LAMA5: variants seen among roughly 807,000 people sequenced by gnomAD.
The protein encoded by LAMA5 is laminin subunit alpha 5.
Under a neutral mutation model 433.4 loss-of-function variants are expected in LAMA5, and 260 were observed. The ratio of observed to expected loss-of-function variants is 0.60; its 90% CI spans 0.54 to 0.66. The LOEUF (loss-of-function observed/expected upper bound fraction) is 0.66, where lower values mean the gene tolerates loss of function less well. Ranked by LOEUF, LAMA5 falls within the 30% of genes least tolerant of loss-of-function variation. The pLI is 0.00. For synonymous variants in LAMA5, 2,620 were observed against 2,226.6 expected (o/e 1.18, Z -4.97); for missense variants, 5,378 against 5,258.5 (o/e 1.02, Z -0.70).
At chr20:62,348,994 G>A (rs1348116979) in intron 6 of LAMA5, among the ~76,000 whole-genome samples, 3 of 152,184 alleles carry the variant, frequency 2.0e-5, no homozygotes, top group Non-Finnish European at 2.9e-5. Flanking sequence ...ACATGGCCAG[G>A]CGCAGTGGCT....
At chr20:62,321,949 G>A (rs1040888490) in intron 48 of LAMA5, 70 bp downstream of exon 48, 4 of 1,476,144 alleles carry the variant, frequency 2.7e-6, no homozygotes, top group African/African-American at 1.4e-5. Context: ...TAACACTGGG[G>A]TCACCAGGCT....
intron 45 of LAMA5, 137 bp from the exon 46 acceptor site, chr20:62,322,895 C>T (rs1261068144): frequency 2.4e-5 from 14 of 586,608 alleles, no homozygotes; most frequent in Admixed American, 2.2e-4. Flanking sequence ...GCTACCCACT[C>T]GTGTCCCAGC....
At position 62,309,077 on chromosome 20, in the gene LAMA5, T is replaced by C; in HGVS notation, c.*259A>G. On this transcript the variant is annotated 3_prime_UTR_variant, in exon 80 of 80. Transcript: ENST00000252999. ...AACATTCATTCGGTTACACAGAAGT[T>C]ACTTTTTAATTTTTAAGGAGGAACC... The C allele has an allele frequency of 1.6e-6, 1 of 610,058 alleles. No homozygotes were observed. Among genetic ancestry groups the C allele is most frequent in the Non-Finnish European group, 2.7e-6 (1 of 365,220 alleles). 37.8% of individuals were successfully genotyped at this position (610,058 alleles called of 1,614,324 possible). A position where few individuals can be genotyped will look rare whatever the true frequency, so the allele number is the denominator to read the frequency against.
chr20:62,354,373 C>G (rs1984846379), intron 2 of LAMA5, among the ~76,000 whole-genome samples: 1 of 150,354 alleles, frequency 6.7e-6, no homozygotes, highest in South Asian at 2.1e-4. Context: ...CCCCTGACAC[C>G]CTGCCCTCAG....
At chr20:62,362,607 C>G in intron 1 of LAMA5, 55 bp from the exon 2 acceptor site, 1 of 1,388,076 alleles carries the variant, frequency 7.2e-7, no homozygotes, top group Admixed American at 2.7e-5. Context: ...CCCCCTTCCT[C>G]CTCCACAGTC....
chr20:62,365,526 C>G (rs370393316), intron 1 of LAMA5, among the ~76,000 whole-genome samples: 123 of 152,290 alleles, frequency 8.1e-4, no homozygotes, highest in African/African-American at 2.7e-3. Context: ...CTGAGGTTCA[C>G]AGGGCACCTG....
chr20:62,334,690 A>C, intron 20 of LAMA5, 69 bp from the exon 21 acceptor site: 1 of 1,295,956 alleles, frequency 7.7e-7, no homozygotes, highest in Non-Finnish European at 1.1e-6. Flanking sequence ...CCTCACAGCC[A>C]GACTGAGAAG....
At chr20:62,325,863 A>G (rs1979195510) in intron 40 of LAMA5, among the ~76,000 whole-genome samples, 1 of 152,260 alleles carries the variant, frequency 6.6e-6, no homozygotes, top group South Asian at 2.1e-4. Flanking sequence ...ACAAGATGCA[A>G]AAACGCTTGC....
rs369951035 is a variant in LAMA5 at position 62,326,700 on chromosome 20, G to A, written c.5275C>T (p.Arg1759Cys). The change falls in exon 40 of 80, where the codon CGT becomes TGT. Residue 1759 changes from arginine to cysteine, a missense_variant. Arg to Cys is a radical substitution (Grantham distance 180, BLOSUM62 -3). Coordinates refer to ENST00000252999, the MANE Select transcript of LAMA5 (RefSeq NM_005560.6). The part of the protein sequence containing the change: ...PAYPTPGHVH[R>C]GQLQLVEGNF... ...ACCTCCACCAGCTGCAGCTGCCCAC[G>A]GTGAACGTGGCCAGGCGTGGGGTAT... The A allele has an allele frequency of 4.9e-5, 79 of 1,612,616 alleles. No individual in the cohort carries two copies. Among genetic ancestry groups the A allele is most frequent in the Non-Finnish European group, 6.0e-5 (71 of 1,179,748 alleles).
At position 62,351,807 on chromosome 20, in the gene LAMA5, C is replaced by A. The variant is rs200951269; in HGVS notation, c.859-6G>T. On this transcript the variant is annotated splice_polypyrimidine_tract_variant and splice_region_variant and intron_variant, in intron 5 of 79. Transcript: ENST00000252999. ...TCCTTGATGCTGTAATAATACTGCA[C>A]CCGCAGGCCCCGTGAGCACCAGGCG... The A allele has an allele frequency of 8.8e-6, 14 of 1,599,474 alleles. No homozygotes were observed. Among genetic ancestry groups the A allele is most frequent in the Non-Finnish European group, 1.1e-5 (13 of 1,174,872 alleles).
chr20:62,328,562 G>C (rs1350361512), intron 34 of LAMA5, 117 bp from the exon 35 acceptor site: 1 of 1,110,720 alleles, frequency 9.0e-7, no homozygotes, highest in Non-Finnish European at 1.2e-6. Flanking sequence ...GACAAGAACA[G>C]GGACCCCTGC....
At chr20:62,352,190 C>A (rs1984432703) in intron 4 of LAMA5, 52 bp downstream of exon 4, 1 of 1,560,054 alleles carries the variant, frequency 6.4e-7, no homozygotes, top group Admixed American at 1.7e-5. Context: ...CCCTCCCCTA[C>A]CCACCTCTCC....
At position 62,346,816 on chromosome 20, in the gene LAMA5, C is replaced by T. The variant is rs749702633; in HGVS notation, c.1073-16G>A. The T allele has an allele frequency of 3.6e-5, 58 of 1,608,920 alleles. No individual in the cohort carries two copies. The highest frequency in any genetic ancestry group is 5.5e-5 in the South Asian group (5 of 90,928). On this transcript the variant is annotated splice_polypyrimidine_tract_variant and intron_variant, in intron 7 of 79. Coordinates refer to ENST00000252999, the MANE Select transcript of LAMA5 (RefSeq NM_005560.6). ...CAGTTACAGGCTAGAGAGAGGGGAG[C>T]GCAGCTGTTGGCACGCCCTCCACAG...
chr20:62,310,712 G>A lies in LAMA5; in HGVS notation c.10399C>T (p.Leu3467Phe). 1.9e-6 allele frequency: 3 copies of A among 1,600,548 alleles called. No homozygotes were observed. The highest frequency in any genetic ancestry group is 1.3e-5 in the African/African-American group (1 of 74,982). Reference sequence around the variant, plus strand: ...CTGGCCGGGAGGCCGCCCACAAAGAGGGTGTGGGGCTGGGGGTGCTCTGCC... The same window carrying A: ...CTGGCCGGGAGGCCGCCCACAAAGAAGGTGTGGGGCTGGGGGTGCTCTGCC... ...QGAEHPQPHTLFVGGLPASSH... is the reference protein window; with the variant it reads ...QGAEHPQPHTFFVGGLPASSH... Residue 3467 changes from leucine to phenylalanine, a missense_variant, in exon 75 of 80, where the codon CTC (leucine) becomes TTC (phenylalanine). Coordinates refer to ENST00000252999, the MANE Select transcript of LAMA5 (RefSeq NM_005560.6).
At chr20:62,352,959 C>T (rs1056301778) in intron 3 of LAMA5, 175 bp downstream of exon 3, 6 of 556,116 alleles carry the variant, frequency 1.1e-5, no homozygotes, top group Admixed American at 3.4e-5. Flanking sequence ...ACGCCAGGGA[C>T]AGGAGCCAAT....
At position 62,312,793 on chromosome 20, in the gene LAMA5, T is replaced by A; in HGVS notation, c.9079-13A>T. 2 of 1,594,902 alleles carry A rather than the reference T, an allele frequency of 1.3e-6. No individual in the cohort carries two copies. Among genetic ancestry groups the A allele is most frequent in the Non-Finnish European group, 1.7e-6 (2 of 1,174,340 alleles). On this transcript the variant is annotated splice_polypyrimidine_tract_variant and intron_variant, in intron 66 of 79. Transcript: ENST00000252999. ...GGAACACCTGGATCTACAGGACCAG[T>A]GGGGGCTCCAGGGCCAGCTGTGTCC... is the stretch of plus-strand genomic sequence containing the variant.
At chr20:62,352,875 AAG>A (rs2146315594) in intron 3 of LAMA5, 1 of 458,236 alleles carries the variant, frequency 2.2e-6, no homozygotes, top group Admixed American at 3.9e-5. Flanking sequence ...CCGGTGCATG[AAG>A]CCATCCAGAG....
intron 5 of LAMA5, 46 bp downstream of exon 5, chr20:62,351,863 C>A (rs1193072542): frequency 6.3e-7 from 1 of 1,576,372 alleles, no homozygotes; most frequent in Non-Finnish European, 8.6e-7. Flanking sequence ...AGTCCCGGGT[C>A]CACCCGGCCA....
rs553785378 is a variant in LAMA5 at position 62,359,208 on chromosome 20, C to T, written c.450+3192G>A. Among the ~76,000 whole-genome samples, 11 of 152,292 alleles carry T rather than the reference C, an allele frequency of 7.2e-5. No homozygotes were observed. Among genetic ancestry groups the T allele is most frequent in the African/African-American group, 2.4e-4 (10 of 41,558 alleles). Reference sequence around the variant, plus strand: ...GTCCTCACTCCTCATCTGAGGGAGGCGGGAGGCAATGCCCTCCTCTGCTGG... The same window carrying T: ...GTCCTCACTCCTCATCTGAGGGAGGTGGGAGGCAATGCCCTCCTCTGCTGG... On this transcript the variant is annotated intron_variant, in intron 2 of 79. Transcript: ENST00000252999. This position sits in a 1 kb window ranked among gnomAD's most constrained non-coding sequence, Gnocchi z 4.3.
Sources: allele counts gnomAD v4.1 joint callset (sites outside exome capture counted in the v4.1 genomes callset), GRCh38; gene constraint gnomAD v4.1.1; non-coding constraint Gnocchi (gnomAD v3.1); transcripts MANE v1.5; gene names NCBI Gene and HGNC (gene_info 2026-07-23, HGNC 2026-07-21).